FRMD4A: variants seen among roughly 807,000 people sequenced by gnomAD.
FRMD4A encodes FERM domain containing 4A.
In FRMD4A, 29 loss-of-function variants were observed where a neutral mutation model predicts 129.1. The ratio of observed to expected loss-of-function variants is 0.22; its 90% CI spans 0.17 to 0.31. The LOEUF is 0.31. Among genes scored for constraint, FRMD4A ranks in the 10% least tolerant of loss-of-function variants. The probability of loss-of-function intolerance (pLI) is 1.00; values close to 1 mark genes in which losing one functional copy is unlikely to be tolerated. For synonymous variants in FRMD4A, 634 were observed against 571.6 expected (o/e 1.11, Z -1.56); for missense variants, 1,272 against 1,375.8 (o/e 0.92, Z 1.19).
At chr10:13,887,485 A>C (rs2004685) in intron 2 of FRMD4A, among the ~76,000 whole-genome samples, 62,135 of 151,870 alleles carry the variant, frequency 0.41, 12,928 homozygotes, top group Admixed American at 0.45. Flanking sequence ...TCGAGACCAT[A>C]CTGGCCAACA....
chr10:13,887,179 G>A (rs1477048418), intron 2 of FRMD4A, among the ~76,000 whole-genome samples: 1 of 152,144 alleles, frequency 6.6e-6, no homozygotes, highest in Non-Finnish European at 1.5e-5. Flanking sequence ...CTGTAGAGAG[G>A]TTTTGATTTG....
At chr10:13,803,883 C>T (rs1281079293) in intron 4 of FRMD4A, among the ~76,000 whole-genome samples, 1 of 152,198 alleles carries the variant, frequency 6.6e-6, no homozygotes, top group Admixed American at 6.5e-5. Context: ...CAAACAGTCT[C>T]CATATTAAGA....
chr10:13,688,484 T>G (rs1342593831), intron 15 of FRMD4A, among the ~76,000 whole-genome samples: 1 of 152,058 alleles, frequency 6.6e-6, no homozygotes, highest in Admixed American at 6.6e-5. Flanking sequence ...ACATGGCACA[T>G]GTATACGTGT....
At chr10:13,919,958 A>G (rs1471703914) in intron 2 of FRMD4A, among the ~76,000 whole-genome samples, 3 of 152,000 alleles carry the variant, frequency 2.0e-5, no homozygotes, top group Non-Finnish European at 4.4e-5. Flanking sequence ...CAAACAAACA[A>G]ACACACAAAC....
intron 2 of FRMD4A, among the ~76,000 whole-genome samples, chr10:14,255,028 T>C (rs573781030): frequency 6.6e-6 from 1 of 152,316 alleles, no homozygotes; most frequent in South Asian, 2.1e-4. Context: ...AAGCAAACTC[T>C]ACCAGCTTTC....
At chr10:13,803,842 A>T (rs1206885300) in intron 4 of FRMD4A, among the ~76,000 whole-genome samples, 3 of 152,180 alleles carry the variant, frequency 2.0e-5, no homozygotes, top group Non-Finnish European at 4.4e-5. Context: ...AGGTTCAGGG[A>T]CTGCTGTGTA....
intron 2 of FRMD4A, among the ~76,000 whole-genome samples, chr10:14,175,882 T>C (rs1479575137): frequency 6.6e-6 from 1 of 152,160 alleles, no homozygotes; most frequent in Non-Finnish European, 1.5e-5. Flanking sequence ...TGCAACCTCA[T>C]TCTCACTTAA....
At chr10:14,129,141 C>A (rs769469322) in intron 2 of FRMD4A, among the ~76,000 whole-genome samples, 6 of 151,854 alleles carry the variant, frequency 4.0e-5, no homozygotes, top group Admixed American at 6.6e-5. Flanking sequence ...ATCAACCTTT[C>A]CATGAACAGT....
intron 2 of FRMD4A, among the ~76,000 whole-genome samples, chr10:14,110,142 A>AAAAAAAAAAAAAAAAC (rs1837821355): frequency 6.6e-6 from 1 of 150,768 alleles, no homozygotes; most frequent in African/African-American, 2.4e-5. Context: ...AAAAAAAAAA[A>AAAAAAAAAAAAAAAAC]AAAAAGCTCT....
chr10:13,651,671 TCAAAA>T, intron 24 of FRMD4A: 1 of 531,124 alleles, frequency 1.9e-6, no homozygotes, highest in Non-Finnish European at 3.4e-6. Context: ...AGACTCTGTC[TCAAAA>T]CAAAACATAC....
At chr10:13,949,901 A>G (rs1438216147) in intron 2 of FRMD4A, among the ~76,000 whole-genome samples, 1 of 152,246 alleles carries the variant, frequency 6.6e-6, no homozygotes, top group Non-Finnish European at 1.5e-5. Context: ...GGAAAGCAGC[A>G]CTCACATCTG....
intron 2 of FRMD4A, among the ~76,000 whole-genome samples, chr10:13,941,794 T>C (rs1376136917): frequency 6.6e-6 from 1 of 152,202 alleles, no homozygotes; most frequent in Non-Finnish European, 1.5e-5. Context: ...TCACTTTACA[T>C]GGATCTCTGA....
intron 2 of FRMD4A, among the ~76,000 whole-genome samples, chr10:14,277,451 G>A (rs1051813680): frequency 4.5e-4 from 68 of 152,202 alleles, no homozygotes; most frequent in African/African-American, 1.5e-3. Flanking sequence ...CTTCCATCCT[G>A]TAAGAATGAG....
intron 2 of FRMD4A, among the ~76,000 whole-genome samples, chr10:14,155,761 T>G (rs2131861210): frequency 6.6e-6 from 1 of 152,332 alleles, no homozygotes; most frequent in South Asian, 2.1e-4. Context: ...GTTGGAGGTT[T>G]GGAGGAAAGC....
intron 2 of FRMD4A, among the ~76,000 whole-genome samples, chr10:14,066,977 G>T (rs187939507): frequency 2.4e-4 from 36 of 152,248 alleles, no homozygotes; most frequent in Admixed American, 2.2e-3. Context: ...ACTCTTTCAT[G>T]AGAGCTCATA....
Position 13,716,160 on chromosome 10 carries a change from G to A in FRMD4A, c.760-9047C>T, listed in dbSNP as rs184028925. ...TTGGACCCAGGGTCCCCATTCATTC[G>A]TTTGTGCTGGAGTTTGCTGTATTCT... On this transcript the variant is annotated intron_variant, in intron 12 of 24. Coordinates refer to ENST00000357447, the MANE Select transcript of FRMD4A (RefSeq NM_018027.5). 4.1e-3 allele frequency among the ~76,000 whole-genome samples: 628 copies of A among 152,184 alleles called. 5 individuals carry two copies. Among genetic ancestry groups the A allele is most frequent in the Non-Finnish European group, 6.1e-3 (416 of 68,016 alleles).
At chr10:14,085,016 C>T (rs1164011024) in intron 2 of FRMD4A, among the ~76,000 whole-genome samples, 1 of 152,156 alleles carries the variant, frequency 6.6e-6, no homozygotes, top group East Asian at 1.9e-4. Flanking sequence ...CTTGCCACAC[C>T]TGAATAAAAA....
At chr10:14,317,497 A>G (rs548899916) in intron 2 of FRMD4A, among the ~76,000 whole-genome samples, 2 of 152,060 alleles carry the variant, frequency 1.3e-5, no homozygotes, top group South Asian at 2.1e-4. Flanking sequence ...CATTTATCTC[A>G]CTGTGTTGCA....
At chr10:13,719,377 C>T (rs2089189442) in intron 12 of FRMD4A, among the ~76,000 whole-genome samples, 1 of 152,042 alleles carries the variant, frequency 6.6e-6, no homozygotes, top group Admixed American at 6.6e-5. Context: ...TGGAAGCCTA[C>T]TCCCAACCTA....
Sources: allele counts gnomAD v4.1 joint callset (sites outside exome capture counted in the v4.1 genomes callset), GRCh38; gene constraint gnomAD v4.1.1; transcripts MANE v1.5; gene names NCBI Gene and HGNC (gene_info 2026-07-23, HGNC 2026-07-21).